UMAD1: variants seen among roughly 807,000 people sequenced by gnomAD.
UMAD1 encodes the protein UBAP1-MVB12-associated (UMA)-domain containing protein 1.
In UMAD1, 8 loss-of-function variants were observed where a neutral mutation model predicts 6.1. That is an observed-to-expected ratio of 1.30 (90% CI 0.76 to 2.35). The LOEUF is 2.35. Ranked by LOEUF, UMAD1 falls within the 30% of genes most tolerant of loss-of-function variation. The probability of loss-of-function intolerance (pLI) is 0.00; values close to 1 mark genes in which losing one functional copy is unlikely to be tolerated. For missense variants in UMAD1, 130 were observed against 78.4 expected, an observed-to-expected ratio of 1.66 and a Z score of -2.49; for synonymous variants, 56 against 31.4, an observed-to-expected ratio of 1.78 and a Z score of -2.61.
At chr7:7,645,130 C>T (rs1285587389) in intron 1 of UMAD1, among the ~76,000 whole-genome samples, 1 of 151,866 alleles carries the variant, frequency 6.6e-6, no homozygotes, top group African/African-American at 2.4e-5. Flanking sequence ...TAAGAATTTT[C>T]TATCAGTTTT....
intron 1 of UMAD1, among the ~76,000 whole-genome samples, chr7:7,652,429 T>G (rs1785244894): frequency 6.6e-6 from 1 of 152,248 alleles, no homozygotes; most frequent in Admixed American, 6.5e-5. Flanking sequence ...AACAGCTGGC[T>G]GTCTTGTTTA....
chr7:7,875,476 A>T (rs1784399772), intron 3 of UMAD1, among the ~76,000 whole-genome samples: 1 of 152,234 alleles, frequency 6.6e-6, no homozygotes, highest in Non-Finnish European at 1.5e-5. Flanking sequence ...GAGAAGAATC[A>T]AATAGACACA....
chr7:7,698,063 T>G (rs143873369), intron 2 of UMAD1, among the ~76,000 whole-genome samples: 1 of 152,326 alleles, frequency 6.6e-6, no homozygotes, highest in African/African-American at 2.4e-5. Context: ...GCACTTCACG[T>G]TCTGGCTAGA....
At chr7:7,873,675 C>T (rs1236056650) in intron 3 of UMAD1, among the ~76,000 whole-genome samples, 2 of 152,144 alleles carry the variant, frequency 1.3e-5, no homozygotes, top group Non-Finnish European at 2.9e-5. Flanking sequence ...AAAAATATTT[C>T]TTGATGGCCT....
chr7:7,816,144 T>A (rs934857328), intron 3 of UMAD1, among the ~76,000 whole-genome samples: 1 of 151,820 alleles, frequency 6.6e-6, no homozygotes, highest in African/African-American at 2.4e-5. Flanking sequence ...ATATATCTTA[T>A]AGAGGAGGAA....
In UMAD1 at chr7:7,734,950, C is replaced by T. The variant is rs181407173; in HGVS notation, c.82+61497C>T. Among the ~76,000 whole-genome samples the T allele has an allele frequency of 5.9e-5, 9 of 152,108 alleles. No individual in the cohort carries two copies. The East Asian group carries it at 1.7e-3, about 29-fold the overall frequency. On this transcript the variant is annotated intron_variant, in intron 2 of 3. Coordinates refer to ENST00000682710, the MANE Select transcript of UMAD1 (RefSeq NM_001302348.2). Reference sequence around the variant, plus strand: ...AGATTGAATTTGAATTCTATTTTTACATAGTAAATATAAAATTGTATTTTA... The same window carrying T: ...AGATTGAATTTGAATTCTATTTTTATATAGTAAATATAAAATTGTATTTTA...
chr7:7,859,032 G>GA (rs1197144311), intron 3 of UMAD1, among the ~76,000 whole-genome samples: 6 of 152,156 alleles, frequency 3.9e-5, no homozygotes, highest in Non-Finnish European at 5.9e-5. Flanking sequence ...CAGCAATCTT[G>GA]AAAGTGTTCC....
In UMAD1 at chr7:7,819,299, A is replaced by G. The variant is rs184794407; in HGVS notation, c.156+17556A>G. 2.1e-5 allele frequency among the ~76,000 whole-genome samples: 3 copies of G among 145,434 alleles called. No individual in the cohort carries two copies. The East Asian group carries it at 6.4e-4, about 31-fold the overall frequency. On this transcript the variant is annotated intron_variant, in intron 3 of 3. Transcript: ENST00000682710. ...TGAAGATTTTCTTCAAACCATGAAT[A>G]TATTACTTCTCAAAATTTTAAGCCC...
chr7:7,736,841 A>G (rs74683570), intron 2 of UMAD1: 13,237 of 152,242 alleles, frequency 0.087, 683 homozygotes, highest in African/African-American at 0.14. Context: ...ATCCTTTACC[A>G]ATGCATCTCT....
At chr7:7,703,197 A>C (rs1780511761) in intron 2 of UMAD1, among the ~76,000 whole-genome samples, 1 of 152,154 alleles carries the variant, frequency 6.6e-6, no homozygotes, top group South Asian at 2.1e-4. Flanking sequence ...ATTAAAATCC[A>C]CTTGATGTTT....
intron 2 of UMAD1, among the ~76,000 whole-genome samples, chr7:7,700,723 A>G (rs756747312): frequency 8.5e-5 from 13 of 152,132 alleles, no homozygotes; most frequent in Admixed American, 2.6e-4. Flanking sequence ...CCCTGTCTCT[A>G]CTAAAAATAT....
intron 3 of UMAD1, among the ~76,000 whole-genome samples, chr7:7,861,424 A>G (rs911959953): frequency 2.6e-5 from 4 of 152,104 alleles, no homozygotes; most frequent in East Asian, 1.9e-4. Context: ...CCCATCTTCT[A>G]TTTTGAAATA....
intron 2 of UMAD1, among the ~76,000 whole-genome samples, chr7:7,800,455 G>A (rs1782776512): frequency 6.6e-6 from 1 of 150,888 alleles, no homozygotes; most frequent in African/African-American, 2.4e-5. Context: ...TTTTTTTATT[G>A]CAATAGGTTT....
intron 3 of UMAD1, among the ~76,000 whole-genome samples, chr7:7,802,098 A>T (rs1011160354): frequency 6.8e-4 from 104 of 152,218 alleles, no homozygotes; most frequent in African/African-American, 2.5e-3. Flanking sequence ...TAATCCATTC[A>T]GCCGGGCACA....
chr7:7,780,915 T>C (rs977940992), intron 2 of UMAD1, among the ~76,000 whole-genome samples: 7 of 152,220 alleles, frequency 4.6e-5, no homozygotes, highest in African/African-American at 1.7e-4. Flanking sequence ...AATTAACTTA[T>C]TAATTACCCA....
At chr7:7,724,806 C>A (rs188305416) in intron 2 of UMAD1, among the ~76,000 whole-genome samples, 124 of 152,372 alleles carry the variant, frequency 8.1e-4, no homozygotes, top group African/African-American at 2.7e-3. Flanking sequence ...TTTCTCCATT[C>A]CTGTCCATAA....
intron 1 of UMAD1, among the ~76,000 whole-genome samples, chr7:7,659,622 A>AGTTTCTTAATCCTGTGCTCTCATTT (rs1169709739): frequency 1.3e-5 from 2 of 152,138 alleles, no homozygotes; most frequent in African/African-American, 4.8e-5. Context: ...GTTTTGAGTG[A>AGTTTCTTAATCCTGTGCTCTCATTT]GTTTCTTAAT....
At chr7:7,654,566 C>G (rs1785297808) in intron 1 of UMAD1, among the ~76,000 whole-genome samples, 1 of 152,122 alleles carries the variant, frequency 6.6e-6, no homozygotes, top group South Asian at 2.1e-4. Flanking sequence ...TATGCTTTAT[C>G]CCTAAATTCC....
intron 3 of UMAD1, among the ~76,000 whole-genome samples, chr7:7,814,890 G>A (rs1045391814): frequency 1.3e-5 from 2 of 152,092 alleles, no homozygotes; most frequent in Non-Finnish European, 2.9e-5. Context: ...GAAGATGCAG[G>A]TGAAAGGAGC....
Sources: gnomAD v4.1 joint callset for allele counts (sites outside exome capture counted in the v4.1 genomes callset) on GRCh38, gnomAD v4.1.1 for gene constraint, MANE v1.5 for transcripts, NCBI Gene and HGNC (gene_info 2026-07-23, HGNC 2026-07-21) for gene names.